PCDHAC2: variants seen among roughly 807,000 people sequenced by gnomAD.
The protein encoded by PCDHAC2 is protocadherin alpha-C2.
In PCDHAC2, 24 loss-of-function variants were observed where a neutral mutation model predicts 63.3. The observed-to-expected ratio is 0.38, with a 90% CI of 0.27 to 0.53. PCDHAC2 has a LOEUF of 0.53. Ranked by LOEUF, PCDHAC2 falls within the 20% of genes least tolerant of loss-of-function variation. The pLI is 0.81. For missense variants in PCDHAC2, 1,181 were observed against 1,275.2 expected, an observed-to-expected ratio of 0.93 and a Z score of 1.12; for synonymous variants, 569 against 529.4, an observed-to-expected ratio of 1.07 and a Z score of -1.03.
Position 140,966,937 on chromosome 5 carries a change from C to T in PCDHAC2, c.171C>T (p.Leu57=), listed in dbSNP as rs2096072123. The T allele has an allele frequency of 3.7e-6, 6 of 1,604,032 alleles. No individual in the cohort carries two copies. The highest frequency in any genetic ancestry group is 5.1e-6 in the Non-Finnish European group (6 of 1,178,530). ...CAGAGGAGCAGGCACCCGGCGCGCT[C>T]GTGGGCAACGTGGCTCGCGCGCTGG... The part of the protein sequence containing the change: ...SVPEEQAPGA[L]VGNVARALGL... The change falls in exon 1 of 4, where the codon CTC becomes CTT. Residue 57 remains leucine (L), a synonymous_variant. Transcript: ENST00000289269.
At chr5:141,003,122 C>A (rs782642950) in intron 3 of PCDHAC2, among the ~76,000 whole-genome samples, 57 of 152,318 alleles carry the variant, frequency 3.7e-4, no homozygotes, top group African/African-American at 9.6e-4. Context: ...TGGCCCTTTC[C>A]TGGCATTTGC....
chr5:140,975,216 G>C (rs1349439819), intron 1 of PCDHAC2, among the ~76,000 whole-genome samples: 1 of 152,198 alleles, frequency 6.6e-6, no homozygotes, highest in Admixed American at 6.5e-5. Flanking sequence ...TGGCACTGGA[G>C]AATCTTCCCT....
intron 3 of PCDHAC2, among the ~76,000 whole-genome samples, chr5:140,999,159 G>T (rs1056236953): frequency 6.6e-6 from 1 of 152,182 alleles, no homozygotes; most frequent in Non-Finnish European, 1.5e-5. Flanking sequence ...CAGTCCCCTA[G>T]AAGGAAAAGA....
chr5:140,986,366 G>A (rs149115330), intron 3 of PCDHAC2, among the ~76,000 whole-genome samples: 226 of 152,252 alleles, frequency 1.5e-3, no homozygotes, highest in African/African-American at 5.1e-3. Context: ...GGAGGAATGC[G>A]TTTTGGGGGG....
rs1164447924 is a variant in PCDHAC2, at chr5:141,009,514, AT to A, written c.2714-108del. The A allele has an allele frequency of 1.5e-5, 22 of 1,501,204 alleles. 1 individual carries two copies. The South Asian group carries it at 1.9e-4, about 13-fold the overall frequency. 93.0% of individuals were successfully genotyped at this position (1,501,204 alleles called of 1,614,324 possible). ...CTCAGACTTGAACAAACAACTCGTG[AT>A]TTTTCTGGGGAGGTTCAGCCTGCCT... On this transcript the variant is annotated intron_variant, in intron 3 of 3. Coordinates refer to ENST00000289269, the MANE Select transcript of PCDHAC2 (RefSeq NM_018899.6).
Position 140,967,021 on chromosome 5 carries a change from C to G in PCDHAC2, c.255C>G (p.Pro85=). The G allele has an allele frequency of 1.2e-6, 2 of 1,607,830 alleles. No individual in the cohort carries two copies. The highest frequency in any genetic ancestry group is 1.7e-6 in the Non-Finnish European group (2 of 1,177,738). ...TGCGCATCAACCATCTGGGTGCGCC[C>G]AGTCCGCGCTACCTGGAGCTGGACC... ...GCLRINHLGA[P]SPRYLELDLT... is the part of the protein sequence containing the mutation. Residue 85 remains proline, a synonymous_variant, in exon 1 of 4, where the codon CCC becomes CCG. Coordinates refer to ENST00000289269, the MANE Select transcript of PCDHAC2 (RefSeq NM_018899.6).
chr5:141,008,679 T>C (rs950831628), intron 3 of PCDHAC2, among the ~76,000 whole-genome samples: 4 of 152,238 alleles, frequency 2.6e-5, no homozygotes, highest in South Asian at 4.1e-4. Context: ...TATACTTTAG[T>C]TATTGCATGT....
chr5:141,008,375 C>T (rs77600037), intron 3 of PCDHAC2, among the ~76,000 whole-genome samples: 2,306 of 152,234 alleles, frequency 0.015, 24 homozygotes, highest in Middle Eastern at 0.031. Flanking sequence ...GTGTTAGATA[C>T]ATAAACATTG....
intron 1 of PCDHAC2, among the ~76,000 whole-genome samples, chr5:140,973,765 G>A (rs1326498499): frequency 6.6e-6 from 1 of 152,230 alleles, no homozygotes; most frequent in African/African-American, 2.4e-5. Context: ...GACACAGCCT[G>A]GCATATTATA....
At chr5:140,970,156 T>G (rs933887683) in intron 1 of PCDHAC2, among the ~76,000 whole-genome samples, 1 of 152,188 alleles carries the variant, frequency 6.6e-6, no homozygotes, top group Non-Finnish European at 1.5e-5. Flanking sequence ...CTCCCAATAG[T>G]CACCTTTCTT....
intron 3 of PCDHAC2, among the ~76,000 whole-genome samples, chr5:140,993,826 C>T (rs1401311421): frequency 1.3e-5 from 2 of 152,134 alleles, no homozygotes; most frequent in African/African-American, 4.8e-5. Context: ...ATAGGCTATA[C>T]CATATAGCCT....
Position 140,967,707 on chromosome 5 carries a change from C to G in PCDHAC2, c.941C>G (p.Thr314Ser). 1 of 1,614,158 alleles carries G rather than the reference C, an allele frequency of 6.2e-7. No individual in the cohort carries two copies. Among genetic ancestry groups the G allele is most frequent in the Non-Finnish European group, 8.5e-7 (1 of 1,180,028 alleles). ...CAGCTCTTCAGCATAGATGCCAGTACCGGGGAAGTGCGAGTAATTGGGGGG... is the reference window on the plus strand; with the variant it reads ...CAGCTCTTCAGCATAGATGCCAGTAGCGGGGAAGTGCGAGTAATTGGGGGG... ...ERQLFSIDAS[T>S]GEVRVIGGLD... The change falls in exon 1 of 4, where the codon ACC (threonine) becomes AGC (serine). Residue 314 changes from threonine to serine, a missense_variant. Physicochemically the swap from Thr to Ser is moderately conservative, Grantham distance 58. Around this residue, in one of 3 missense-constraint regions of PCDHAC2, gnomAD observed 968 missense variants for 1,073.5 expected, o/e 0.90. Transcript: ENST00000289269.
Position 140,982,485 on chromosome 5 carries a change from C to T in PCDHAC2, c.2635C>T (p.Leu879=). 1 of 1,614,100 alleles carries T rather than the reference C, an allele frequency of 6.2e-7. No homozygotes were observed. The highest frequency in any genetic ancestry group is 8.5e-7 in the Non-Finnish European group (1 of 1,180,004). The part of the protein sequence containing the change: ...LRAGMHSSVH[L]EEAGILRAGP... ...TGTGTGTTTATTCAGCTCTGTGCAC[C>T]TAGAGGAGGCTGGCATTCTACGGGC... The change falls in exon 3 of 4, where the codon CTA becomes TTA. Residue 879 remains leucine (L), a synonymous_variant. Coordinates refer to ENST00000289269, the MANE Select transcript of PCDHAC2 (RefSeq NM_018899.6).
rs782776948 is a variant in PCDHAC2 at position 141,009,898 on chromosome 5, A to T, written c.2985A>T (p.Lys995Asn). The T allele has an allele frequency of 5.6e-6, 9 of 1,613,182 alleles. No individual in the cohort carries two copies. Among genetic ancestry groups the T allele is most frequent in the Admixed American group, 1.7e-5 (1 of 59,722 alleles). The change falls in exon 4 of 4, where the codon AAA (lysine) becomes AAT (asparagine). Residue 995 changes from lysine (K) to asparagine (N), a missense_variant. Physicochemically the swap from Lys to Asn is moderately conservative, Grantham distance 94 (BLOSUM62 0). Around this residue, in one of 3 missense-constraint regions of PCDHAC2, gnomAD observed 968 missense variants for 1,073.5 expected, o/e 0.90. Transcript: ENST00000289269. ...AGGGTAACAAGACCCAGGAGAAAAA[A>T]GAGAAAGGGAACAGCACGACTGACA... ...KKKGNKTQEK[K>N]EKGNSTTDNS...
At chr5:140,985,487 A>C (rs1554247112) in intron 3 of PCDHAC2, among the ~76,000 whole-genome samples, 1 of 152,162 alleles carries the variant, frequency 6.6e-6, no homozygotes, top group Non-Finnish European at 1.5e-5. Context: ...TCCAGACTCA[A>C]ATAGAGCCTG....
chr5:140,982,917 C>T (rs2097016226), intron 3 of PCDHAC2, among the ~76,000 whole-genome samples: 1 of 151,626 alleles, frequency 6.6e-6, no homozygotes, highest in Non-Finnish European at 1.5e-5. Context: ...ACAGAGATGA[C>T]ACTGTTAACA....
intron 3 of PCDHAC2, among the ~76,000 whole-genome samples, chr5:140,998,912 C>T (rs1256504660): frequency 6.6e-6 from 1 of 152,182 alleles, no homozygotes; most frequent in Admixed American, 6.6e-5. Context: ...CGGGAGGTAG[C>T]TATTATATCC....
intron 1 of PCDHAC2, among the ~76,000 whole-genome samples, chr5:140,970,698 A>G (rs2096425914): frequency 6.6e-6 from 1 of 152,228 alleles, no homozygotes; most frequent in Non-Finnish European, 1.5e-5. Flanking sequence ...TTTTAGAGCT[A>G]CTACACAATG....
Position 140,982,566 on chromosome 5 carries a change from A to G in PCDHAC2, c.2713+3A>G, listed in dbSNP as rs372784858. On this transcript the variant is annotated splice_donor_region_variant and intron_variant, in intron 3 of 3. Transcript: ENST00000289269. ...AACAGTATCCAGTGCAACACCAGGT[A>G]AAGAGCTGGGGTCTCTCCATTCTTT... 8 of 1,613,970 alleles carry G rather than the reference A, an allele frequency of 5.0e-6. No individual in the cohort carries two copies. The highest frequency in any genetic ancestry group is 6.8e-6 in the Non-Finnish European group (8 of 1,179,958).
Sources: gnomAD v4.1 joint callset for allele counts (sites outside exome capture counted in the v4.1 genomes callset) on GRCh38, gnomAD v4.1.1 for gene constraint, gnomAD v4.1.1 regional missense constraint, MANE v1.5 for transcripts, NCBI Gene and HGNC (gene_info 2026-07-23, HGNC 2026-07-21) for gene names.